Variants in EEPD1 observed in about 807,000 individuals in gnomAD.
EEPD1 encodes the protein endonuclease/exonuclease/phosphatase family domain-containing protein 1.
Under a neutral mutation model 46.3 loss-of-function variants are expected in EEPD1, and 17 were observed. The observed-to-expected ratio is 0.37, with a 90% CI of 0.25 to 0.55. EEPD1 has a LOEUF of 0.55. EEPD1 is among the 20% of genes least tolerant of loss of function. The pLI is 0.83. For synonymous variants in EEPD1, 313 were observed against 315.6 expected (o/e 0.99, Z 0.09); for missense variants, 673 against 745.6 (o/e 0.90, Z 1.13).
At chr7:36,220,790 TTTTTG>T (rs963103839) in intron 2 of EEPD1, among the ~76,000 whole-genome samples, 2 of 152,006 alleles carry the variant, frequency 1.3e-5, no homozygotes, top group Non-Finnish European at 2.9e-5. Flanking sequence ...CTGAATTCGG[TTTTTG>T]TTTTGTTTTG....
At chr7:36,163,250 T>A (rs1308135401) in intron 2 of EEPD1, among the ~76,000 whole-genome samples, 1 of 151,920 alleles carries the variant, frequency 6.6e-6, no homozygotes, top group Admixed American at 6.5e-5. Flanking sequence ...TGTGTTGTTT[T>A]ATGGGTAGGT....
At chr7:36,269,713 T>A (rs1198328620) in intron 3 of EEPD1, among the ~76,000 whole-genome samples, 1 of 152,298 alleles carries the variant, frequency 6.6e-6, no homozygotes, top group African/African-American at 2.4e-5. Flanking sequence ...CTGGGCAACA[T>A]AGAGAGATCC....
chr7:36,262,250 A>G (rs1786938628), intron 3 of EEPD1, among the ~76,000 whole-genome samples: 1 of 152,160 alleles, frequency 6.6e-6, no homozygotes, highest in Admixed American at 6.5e-5. Flanking sequence ...TGAAGTGCGG[A>G]GGATTGCTTG....
At chr7:36,257,774 C>A (rs571147360) in intron 3 of EEPD1, among the ~76,000 whole-genome samples, 1 of 152,148 alleles carries the variant, frequency 6.6e-6, no homozygotes. Flanking sequence ...AGAACATGCT[C>A]CTTTAGCTCG....
chr7:36,264,453 C>T (rs1394162227), intron 3 of EEPD1, among the ~76,000 whole-genome samples: 1 of 152,188 alleles, frequency 6.6e-6, no homozygotes, highest in Non-Finnish European at 1.5e-5. Flanking sequence ...TGGACCACAT[C>T]GTGGCGTGTG....
intron 2 of EEPD1, among the ~76,000 whole-genome samples, chr7:36,183,615 G>T (rs1450195547): frequency 1.3e-5 from 2 of 152,120 alleles, no homozygotes; most frequent in East Asian, 3.9e-4. Flanking sequence ...GTACCTTTCT[G>T]CTTTGGCTGT....
chr7:36,196,298 ATTTTTT>A (rs113880240), intron 2 of EEPD1, among the ~76,000 whole-genome samples: 1 of 149,542 alleles, frequency 6.7e-6, no homozygotes, highest in Non-Finnish European at 1.5e-5. Flanking sequence ...GCTACACTAA[ATTTTTT>A]TTTTTAAAGT....
intron 6 of EEPD1, among the ~76,000 whole-genome samples, chr7:36,292,332 A>G (rs1170052649): frequency 6.6e-6 from 1 of 152,050 alleles, no homozygotes; most frequent in Non-Finnish European, 1.5e-5. Context: ...CGGGGCCGAG[A>G]ACCACTGTTT....
chr7:36,158,018 G>A (rs868492886), intron 2 of EEPD1, among the ~76,000 whole-genome samples: 28 of 152,286 alleles, frequency 1.8e-4, no homozygotes, highest in African/African-American at 6.7e-4. Context: ...TAATAAAAGA[G>A]TTTCCTAACT....
At chr7:36,285,458 C>G (rs1209278770) in intron 5 of EEPD1, among the ~76,000 whole-genome samples, 1 of 152,136 alleles carries the variant, frequency 6.6e-6, no homozygotes, top group African/African-American at 2.4e-5. Context: ...GAATCTCTGT[C>G]CCCCCAGCAT....
Position 36,297,186 on chromosome 7 carries a change from A to G in EEPD1, c.1509A>G (p.Thr503=), listed in dbSNP as rs1305515482. ...GTAAAAGCTTAAAGAAGGTTTTCAC[A>G]GGTGAGGCAGAACTCACTTGTCCTT... The part of the protein sequence containing the change: ...WISKSLKKVF[T]GHWAVVREGL... The change falls in exon 7 of 8, where the codon ACA becomes ACG. Residue 503 remains threonine, a splice_region_variant and synonymous_variant. Coordinates refer to ENST00000242108, the MANE Select transcript of EEPD1 (RefSeq NM_030636.3). 4.3e-6 allele frequency: 7 copies of G among 1,613,890 alleles called. No individual in the cohort carries two copies. Among genetic ancestry groups the G allele is most frequent in the Non-Finnish European group, 5.9e-6 (7 of 1,179,880 alleles).
At chr7:36,274,527 C>G (rs1382825476) in intron 3 of EEPD1, among the ~76,000 whole-genome samples, 1 of 152,220 alleles carries the variant, frequency 6.6e-6, no homozygotes, top group Non-Finnish European at 1.5e-5. Flanking sequence ...TGTGTTCTCA[C>G]TTTTCTCATA....
intron 3 of EEPD1, among the ~76,000 whole-genome samples, chr7:36,248,785 T>C (rs1329613490): frequency 6.6e-6 from 1 of 151,980 alleles, no homozygotes; most frequent in Non-Finnish European, 1.5e-5. Context: ...GATGGCAACT[T>C]CTCCTTGAAA....
In EEPD1 at chr7:36,246,962, C is replaced by T. The variant is rs536227525; in HGVS notation, c.930+7926C>T. Among the ~76,000 whole-genome samples the T allele has an allele frequency of 1.3e-4, 20 of 151,988 alleles. No homozygotes were observed. The East Asian group carries it at 3.9e-3, about 29-fold the overall frequency. On this transcript the variant is annotated intron_variant, in intron 3 of 7. Coordinates refer to ENST00000242108, the MANE Select transcript of EEPD1 (RefSeq NM_030636.3). ...CCGATATGGTGAAACCCCATCTCTA[C>T]CAAAAATACAAAAATTAGCCAGGCG...
At chr7:36,230,757 G>A (rs1319763084) in intron 2 of EEPD1, 1 of 152,232 alleles carries the variant, frequency 6.6e-6, no homozygotes, top group East Asian at 1.9e-4. Flanking sequence ...AGACTCAGAT[G>A]TCTAGGGGCA....
At chr7:36,263,696 TCA>T (rs35640511) in intron 3 of EEPD1, among the ~76,000 whole-genome samples, 21,879 of 152,146 alleles carry the variant, frequency 0.14, 1,774 homozygotes, top group Non-Finnish European at 0.18. Flanking sequence ...TGGGAGAGCA[TCA>T]GGGCCTTTCT....
In EEPD1 at chr7:36,287,687, A is replaced by T. The variant is rs756369459; in HGVS notation, c.1225A>T (p.Thr409Ser). ...TGTTAACCTTCACCTGGCAGCCCTG[A>T]CCCTCCTGGGGAGCGAGAATCCCAG... ...TLVNLHLAAL[T>S]LLGSENPSKN... Residue 409 changes from threonine to serine, a missense_variant, in exon 6 of 8, where the codon ACC (threonine) becomes TCC (serine). Coordinates refer to ENST00000242108, the MANE Select transcript of EEPD1 (RefSeq NM_030636.3). 2 of 1,614,008 alleles carry T rather than the reference A, an allele frequency of 1.2e-6. No homozygotes were observed. The highest frequency in any genetic ancestry group is 1.7e-6 in the Non-Finnish European group (2 of 1,179,982).
Position 36,193,570 on chromosome 7 carries a change from A to C in EEPD1, c.878+38368A>C, listed in dbSNP as rs1456947933. Among the ~76,000 whole-genome samples the C allele has an allele frequency of 6.6e-6, 1 of 152,116 alleles. No individual in the cohort carries two copies. The highest frequency in any genetic ancestry group is 6.5e-5 in the Admixed American group (1 of 15,284). ...TGTGTTTTGATGGAGTGCTGCCCAG[A>C]GGTGCTGGGTCCCCTGTCCTAGGAG... is the stretch of plus-strand genomic sequence containing the variant. On this transcript the variant is annotated intron_variant, in intron 2 of 7. Transcript: ENST00000242108. The surrounding 1 kb of genome is among the most constrained non-coding windows in gnomAD (Gnocchi z 4.9).
chr7:36,179,538 T>C (rs982591377), intron 2 of EEPD1, among the ~76,000 whole-genome samples: 3 of 151,362 alleles, frequency 2.0e-5, no homozygotes, highest in Non-Finnish European at 4.4e-5. Flanking sequence ...CTGGCCAAGA[T>C]GGCAAGAAAG....
Sources: gnomAD v4.1 joint callset for allele counts (sites outside exome capture counted in the v4.1 genomes callset) on GRCh38, gnomAD v4.1.1 for gene constraint, Gnocchi (gnomAD v3.1) non-coding constraint, MANE v1.5 for transcripts, NCBI Gene and HGNC (gene_info 2026-07-23, HGNC 2026-07-21) for gene names.